The following ARHGAP15 variants were observed in gnomAD, a reference collection of about 807,000 sequenced individuals.
ARHGAP15 encodes rho GTPase-activating protein 15.
ARHGAP15 carries 51 observed loss-of-function variants against 63.7 expected under a neutral mutation model. The ratio of observed to expected loss-of-function variants is 0.80; its 90% CI spans 0.64 to 1.01. The LOEUF is 1.01. Among genes scored for constraint, ARHGAP15 ranks in the 50% least tolerant of loss-of-function variants. ARHGAP15 has a pLI of 0.00. For missense variants in ARHGAP15, 560 were observed against 564.6 expected, an observed-to-expected ratio of 0.99 and a Z score of 0.08; for synonymous variants, 191 against 193.8, an observed-to-expected ratio of 0.99 and a Z score of 0.12.
At chr2:143,572,969 TA>T (rs1013372333) in intron 11 of ARHGAP15, among the ~76,000 whole-genome samples, 7 of 152,064 alleles carry the variant, frequency 4.6e-5, no homozygotes, top group African/African-American at 1.7e-4. Flanking sequence ...ATTCATAAAT[TA>T]AAAAAATACC....
intron 11 of ARHGAP15, among the ~76,000 whole-genome samples, chr2:143,604,621 G>A (rs375287889): frequency 8.0e-4 from 122 of 152,236 alleles, no homozygotes; most frequent in Non-Finnish European, 1.5e-3. Flanking sequence ...TCAAGATGCA[G>A]CTTCAGTACC....
intron 11 of ARHGAP15, among the ~76,000 whole-genome samples, chr2:143,578,830 T>C (rs535998039): frequency 3.9e-4 from 60 of 152,320 alleles, no homozygotes; most frequent in African/African-American, 1.3e-3. Context: ...TTTGAATCTA[T>C]TTTATTTTGT....
At chr2:143,156,956 G>A (rs114055537) in intron 2 of ARHGAP15, among the ~76,000 whole-genome samples, 1,714 of 152,036 alleles carry the variant, frequency 0.011, 29 homozygotes, top group African/African-American at 0.039. Context: ...AGTAAGAACT[G>A]TACCTTTGAA....
At chr2:143,620,366 T>G (rs1698603915) in intron 11 of ARHGAP15, among the ~76,000 whole-genome samples, 1 of 152,216 alleles carries the variant, frequency 6.6e-6, no homozygotes, top group Non-Finnish European at 1.5e-5. Flanking sequence ...TGCAGTTGCT[T>G]CTTATTACCA....
At chr2:143,696,829 G>A (rs1426436761) in intron 12 of ARHGAP15, among the ~76,000 whole-genome samples, 15 of 152,198 alleles carry the variant, frequency 9.9e-5, no homozygotes, top group Non-Finnish European at 2.2e-4. Flanking sequence ...CCTCCCTAGA[G>A]AAAGAAATGT....
chr2:143,207,846 G>A (rs1692401853), intron 3 of ARHGAP15, among the ~76,000 whole-genome samples: 1 of 152,032 alleles, frequency 6.6e-6, no homozygotes. Context: ...ATTGACACTT[G>A]AATTATTTTT....
intron 6 of ARHGAP15, among the ~76,000 whole-genome samples, chr2:143,319,469 G>T (rs777819818): frequency 6.6e-6 from 1 of 151,984 alleles, no homozygotes; most frequent in African/African-American, 2.4e-5. Flanking sequence ...TGATTCACCC[G>T]CTTCGGCCTG....
chr2:143,681,191 A>AG (rs1559123012), intron 12 of ARHGAP15, among the ~76,000 whole-genome samples: 1 of 152,164 alleles, frequency 6.6e-6, no homozygotes, highest in Admixed American at 6.5e-5. Context: ...GTGTGACTCT[A>AG]GGGGGAAATC....
intron 6 of ARHGAP15, among the ~76,000 whole-genome samples, chr2:143,298,759 T>G (rs1181257323): frequency 6.6e-6 from 1 of 151,912 alleles, no homozygotes; most frequent in African/African-American, 2.4e-5. Context: ...TCACAATAAT[T>G]TACATATTAT....
intron 9 of ARHGAP15, among the ~76,000 whole-genome samples, chr2:143,513,862 C>T (rs145124034): frequency 3.2e-4 from 48 of 152,228 alleles, no homozygotes; most frequent in African/African-American, 7.9e-4. Context: ...TGTCTTAGTT[C>T]GGGTCCCCAT....
At chr2:143,278,711 A>G (rs577376122) in intron 6 of ARHGAP15, among the ~76,000 whole-genome samples, 2 of 152,220 alleles carry the variant, frequency 1.3e-5, no homozygotes, top group Non-Finnish European at 2.9e-5. Flanking sequence ...TGACTACTAC[A>G]GCAATTTAAA....
intron 6 of ARHGAP15, among the ~76,000 whole-genome samples, chr2:143,313,548 G>C (rs1683544157): frequency 6.6e-6 from 1 of 152,076 alleles, no homozygotes; most frequent in Non-Finnish European, 1.5e-5. Flanking sequence ...ACCATGCTAC[G>C]GGAAAGTGTG....
At chr2:143,300,098 A>T (rs1470873682) in intron 6 of ARHGAP15, among the ~76,000 whole-genome samples, 1 of 152,060 alleles carries the variant, frequency 6.6e-6, no homozygotes. Context: ...GTGTATAGAC[A>T]AACTATAAAA....
chr2:143,287,133 G>A lies in ARHGAP15; in HGVS notation c.474+36533G>A, dbSNP rs753174010. 4.2e-4 allele frequency among the ~76,000 whole-genome samples: 64 copies of A among 152,036 alleles called. 1 individual carries two copies. Among genetic ancestry groups the A allele is most frequent in the Admixed American group, 4.6e-4 (7 of 15,264 alleles). ...TATAATTCTGTTTCTGTTTCTTGGCGTAAACTTATTCCATATATATTCATA... is the reference window on the plus strand; with the variant it reads ...TATAATTCTGTTTCTGTTTCTTGGCATAAACTTATTCCATATATATTCATA... On this transcript the variant is annotated intron_variant, in intron 6 of 13. Coordinates refer to ENST00000295095, the MANE Select transcript of ARHGAP15 (RefSeq NM_018460.4).
chr2:143,190,271 G>A (rs1691629309), intron 2 of ARHGAP15, among the ~76,000 whole-genome samples: 2 of 152,194 alleles, frequency 1.3e-5, no homozygotes, highest in Admixed American at 1.3e-4. Flanking sequence ...TGTGTTTGGA[G>A]CAGGGGCACT....
chr2:143,649,336 A>G (rs1477139328), intron 12 of ARHGAP15, among the ~76,000 whole-genome samples: 1 of 152,014 alleles, frequency 6.6e-6, no homozygotes, highest in Non-Finnish European at 1.5e-5. Context: ...GGAGAAACTG[A>G]CATCTCAGTC....
At chr2:143,249,234 C>T (rs1462158571) in intron 5 of ARHGAP15, among the ~76,000 whole-genome samples, 1 of 152,116 alleles carries the variant, frequency 6.6e-6, no homozygotes, top group African/African-American at 2.4e-5. Flanking sequence ...TTCTATCCTG[C>T]CGGCTGGGTT....
intron 12 of ARHGAP15, among the ~76,000 whole-genome samples, chr2:143,666,650 A>C (rs1225135263): frequency 1.8e-4 from 20 of 111,314 alleles, no homozygotes; most frequent in African/African-American, 5.9e-4. Context: ...ACATGGGAGA[A>C]AATTTTTGCA....
At chr2:143,141,268 G>C (rs1689350519) in intron 1 of ARHGAP15, among the ~76,000 whole-genome samples, 1 of 151,996 alleles carries the variant, frequency 6.6e-6, no homozygotes, top group Non-Finnish European at 1.5e-5. Context: ...TCAAGACAGG[G>C]GATTTCAGAC....
Sources: allele counts gnomAD v4.1 joint callset (sites outside exome capture counted in the v4.1 genomes callset), GRCh38; gene constraint gnomAD v4.1.1; transcripts MANE v1.5; gene names NCBI Gene and HGNC (gene_info 2026-07-23, HGNC 2026-07-21).